Variants in UNC13C observed in about 807,000 individuals in gnomAD.
The protein encoded by UNC13C is protein unc-13 homolog C.
Under a neutral mutation model 245.4 loss-of-function variants are expected in UNC13C, and 174 were observed. The observed-to-expected ratio is 0.71, with a 90% CI of 0.63 to 0.80. The LOEUF is 0.80. Ranked by LOEUF, UNC13C falls within the 30% of genes least tolerant of loss-of-function variation. UNC13C has a pLI of 0.00. For synonymous variants in UNC13C, 992 were observed against 895.1 expected (o/e 1.11, Z -1.93); for missense variants, 2,829 against 2,602.9 (o/e 1.09, Z -1.89).
chr15:54,617,269 G>A (rs1900502265), intron 30 of UNC13C, among the ~76,000 whole-genome samples: 1 of 152,008 alleles, frequency 6.6e-6, no homozygotes, highest in Admixed American at 6.6e-5. Flanking sequence ...TTCATATCCT[G>A]TCTTTTAGTG....
intron 19 of UNC13C, among the ~76,000 whole-genome samples, chr15:54,456,595 TTTATTTA>T: frequency 1.5e-5 from 1 of 64,618 alleles, no homozygotes; most frequent in Non-Finnish European, 3.5e-5. Context: ...ATGTATTTTA[TTTATTTA>T]TTTATTTATT....
the UNC13C span, among the ~76,000 whole-genome samples, chr15:53,887,308 C>A: frequency 6.6e-6 from 1 of 152,030 alleles, no homozygotes; most frequent in Non-Finnish European, 1.5e-5. Context: ...TCCTTAAAAT[C>A]CCCCGTTATT....
At position 54,292,315 on chromosome 15, in the gene UNC13C, C is replaced by T. The variant is rs139027325; in HGVS notation, c.3819-1580C>T. Among the ~76,000 whole-genome samples the T allele has an allele frequency of 8.8e-3, 1,336 of 151,978 alleles. 24 individuals are homozygous for T. The highest frequency in any genetic ancestry group is 0.031 in the African/African-American group (1,294 of 41,524). ...TAATGCCTGATGGGTCATTTTAAAT[C>T]ATGCACACTGTCCTGTACATGGTGG... On this transcript the variant is annotated intron_variant, in intron 10 of 32. Coordinates refer to ENST00000260323, the MANE Select transcript of UNC13C (RefSeq NM_001080534.3).
chr15:53,854,737 C>T, the UNC13C span, among the ~76,000 whole-genome samples: 1 of 152,096 alleles, frequency 6.6e-6, no homozygotes. Context: ...GTGATGCCTC[C>T]AGCTTTGTTC....
Position 54,015,022 on chromosome 15 carries a change from G to A in UNC13C, c.2119G>A (p.Asp707Asn). The A allele has an allele frequency of 1.2e-6, 2 of 1,613,382 alleles. No individual in the cohort carries two copies. The highest frequency in any genetic ancestry group is 1.7e-6 in the Non-Finnish European group (2 of 1,179,720). Residue 707 changes from aspartate to asparagine, a missense_variant, in exon 2 of 33, where the codon GAT (aspartate) becomes AAT (asparagine). Asp to Asn is a conservative substitution (Grantham distance 23). Transcript: ENST00000260323. ...GGGAAAGTGCCACAGTGATCTTCAA[G>A]ATGACTCAGAGAGCTACGACTTAAC... The part of the protein sequence containing the change: ...YLGKCHSDLQ[D>N]DSESYDLTQD...
At chr15:54,189,744 A>G (rs1567082301) in intron 4 of UNC13C, among the ~76,000 whole-genome samples, 1 of 152,168 alleles carries the variant, frequency 6.6e-6, no homozygotes, top group African/African-American at 2.4e-5. Flanking sequence ...TAGTTGTGGC[A>G]AAGCTTATAG....
chr15:53,856,794 C>T, the UNC13C span, among the ~76,000 whole-genome samples: 17 of 152,178 alleles, frequency 1.1e-4, no homozygotes, highest in East Asian at 2.7e-3. Flanking sequence ...CCTATCAGGT[C>T]CACTTGATCC....
intron 17 of UNC13C, among the ~76,000 whole-genome samples, chr15:54,343,869 A>G (rs2038796171): frequency 6.6e-6 from 1 of 151,792 alleles, no homozygotes; most frequent in Non-Finnish European, 1.5e-5. Context: ...CTGGATAGAA[A>G]TTACTAAGAG....
At chr15:53,891,234 G>C in the UNC13C span, among the ~76,000 whole-genome samples, 1 of 152,264 alleles carries the variant, frequency 6.6e-6, no homozygotes, top group Admixed American at 6.5e-5. Flanking sequence ...GAGACTGTTT[G>C]TTATGATTTC....
At chr15:54,043,250 A>G (rs1381280747) in intron 2 of UNC13C, among the ~76,000 whole-genome samples, 2 of 152,222 alleles carry the variant, frequency 1.3e-5, no homozygotes, top group Non-Finnish European at 2.9e-5. Context: ...CAACATGTCA[A>G]TTTCATCAGG....
chr15:54,413,207 A>C (rs925862173), intron 18 of UNC13C, among the ~76,000 whole-genome samples: 1 of 151,982 alleles, frequency 6.6e-6, no homozygotes, highest in African/African-American at 2.4e-5. Flanking sequence ...CTATGTTTAT[A>C]AGAGATATTC....
chr15:54,452,053 A>G (rs1448790972), intron 19 of UNC13C, among the ~76,000 whole-genome samples: 2 of 152,194 alleles, frequency 1.3e-5, no homozygotes, highest in East Asian at 1.9e-4. Context: ...GGTATCTGTG[A>G]TTTCCTCAGT....
the UNC13C span, among the ~76,000 whole-genome samples, chr15:53,902,778 G>A: frequency 1.3e-5 from 2 of 152,158 alleles, no homozygotes; most frequent in African/African-American, 4.8e-5. Context: ...GGCTCAAAAT[G>A]CTTGGTGAGT....
chr15:54,244,390 C>T (rs1004216728), intron 7 of UNC13C, among the ~76,000 whole-genome samples: 6 of 152,090 alleles, frequency 3.9e-5, no homozygotes, highest in Non-Finnish European at 4.4e-5. Flanking sequence ...TACTATAGTT[C>T]GAAGGTGGGT....
At chr15:54,502,652 G>C (rs1362629746) in intron 22 of UNC13C, among the ~76,000 whole-genome samples, 1 of 152,122 alleles carries the variant, frequency 6.6e-6, no homozygotes, top group African/African-American at 2.4e-5. Flanking sequence ...GTTTGACAAA[G>C]TATGTCACGT....
chr15:54,533,754 A>G (rs1445467946), intron 26 of UNC13C, among the ~76,000 whole-genome samples: 4 of 152,146 alleles, frequency 2.6e-5, no homozygotes, highest in Admixed American at 6.5e-5. Context: ...TCCTACTCTT[A>G]GAAGTTCTAA....
chr15:54,236,511 AAG>A, intron 6 of UNC13C, 76 bp downstream of exon 6: 1 of 1,117,160 alleles, frequency 9.0e-7, no homozygotes, highest in Admixed American at 2.1e-5. Context: ...CATGGGGTAA[AAG>A]AGGGCAAGAA....
chr15:54,070,415 G>A (rs905306646), intron 2 of UNC13C, among the ~76,000 whole-genome samples: 2 of 152,112 alleles, frequency 1.3e-5, no homozygotes, highest in African/African-American at 4.8e-5. Context: ...AGTGCTACAG[G>A]GGCTTCAAGG....
chr15:54,103,330 C>A (rs1263178338), intron 2 of UNC13C, among the ~76,000 whole-genome samples: 3 of 152,162 alleles, frequency 2.0e-5, no homozygotes, highest in African/African-American at 7.2e-5. Context: ...GTCTTCCTTA[C>A]CTTATGTTCA....
Sources: gnomAD v4.1 joint callset for allele counts (sites outside exome capture counted in the v4.1 genomes callset) on GRCh38, gnomAD v4.1.1 for gene constraint, MANE v1.5 for transcripts, NCBI Gene and HGNC (gene_info 2026-07-23, HGNC 2026-07-21) for gene names.